The following GABRG1 variants were observed in gnomAD, a reference collection of about 807,000 sequenced individuals.
GABRG1 encodes gamma-aminobutyric acid receptor subunit gamma-1.
GABRG1 carries 49 observed loss-of-function variants against 49.8 expected under a neutral mutation model. The ratio of observed to expected loss-of-function variants is 0.98; its 90% CI spans 0.78 to 1.25. GABRG1 has a LOEUF of 1.25. GABRG1 is among the 50% of genes most tolerant of loss of function. The pLI is 0.00. For missense variants in GABRG1, 552 were observed against 552.3 expected (o/e 1.00, Z 0.01); for synonymous variants, 232 against 185.1 (o/e 1.25, Z -2.06).
intron 7 of GABRG1, 106 bp from the exon 8 acceptor site, chr4:46,051,744 A>T (rs887971799): frequency 8.1e-6 from 5 of 619,896 alleles, no homozygotes; most frequent in Non-Finnish European, 1.4e-5. Context: ...AGAAACAAAA[A>T]TATGATTACT....
intron 8 of GABRG1, among the ~76,000 whole-genome samples, chr4:46,042,940 C>CT (rs1324507792): frequency 1.3e-5 from 2 of 151,714 alleles, no homozygotes; most frequent in Non-Finnish European, 2.9e-5. Context: ...AATGACAGAT[C>CT]TTTTGAGGAT....
rs190382507 is a variant in GABRG1 at position 46,078,257 on chromosome 4, G to A, written c.321+5729C>T. ...TAATACCTTTTTCTTCCCCACCATTGGCATATGCAGGTCAGTTATCTAAAT... is the reference window on the plus strand; with the variant it reads ...TAATACCTTTTTCTTCCCCACCATTAGCATATGCAGGTCAGTTATCTAAAT... On this transcript the variant is annotated intron_variant, in intron 3 of 8. Coordinates refer to ENST00000295452, the MANE Select transcript of GABRG1 (RefSeq NM_173536.4). Among the ~76,000 whole-genome samples the A allele has an allele frequency of 3.2e-3, 483 of 151,796 alleles. 2 individuals are homozygous for A. Among genetic ancestry groups the A allele is most frequent in the African/African-American group, 0.011 (456 of 41,420 alleles).
At chr4:46,117,550 GTCTCTC>G (rs373546541) in intron 1 of GABRG1, among the ~76,000 whole-genome samples, 189 of 116,680 alleles carry the variant, frequency 1.6e-3, no homozygotes, top group African/African-American at 4.2e-3. Flanking sequence ...TGTTATCTCT[GTCTCTC>G]TCTCTCTCTC....
rs1015986657 is a variant in GABRG1 at position 46,114,260 on chromosome 4, A to G, written c.104+9550T>C. 7.3e-5 allele frequency among the ~76,000 whole-genome samples: 11 copies of G among 151,178 alleles called. No individual in the cohort carries two copies. The East Asian group carries it at 2.0e-3, about 27-fold the overall frequency. On this transcript the variant is annotated intron_variant, in intron 1 of 8. Coordinates refer to ENST00000295452, the MANE Select transcript of GABRG1 (RefSeq NM_173536.4). ...CAGCTGAAGCAAGCACTAAACCTCC[A>G]GAGTTTTAAAGAGGAGAATTGATAA...
At chr4:46,092,635 C>A (rs955224327) in intron 2 of GABRG1, among the ~76,000 whole-genome samples, 3 of 151,808 alleles carry the variant, frequency 2.0e-5, no homozygotes, top group African/African-American at 7.3e-5. Flanking sequence ...CTGCATTAAC[C>A]ACTCCATTTA....
intron 5 of GABRG1, among the ~76,000 whole-genome samples, chr4:46,063,778 T>C (rs1042818347): frequency 6.6e-6 from 1 of 152,008 alleles, no homozygotes; most frequent in Admixed American, 6.6e-5. Context: ...TGCAACCTAC[T>C]TATCTGACAA....
At chr4:46,057,821 C>T (rs1399925402) in intron 7 of GABRG1, among the ~76,000 whole-genome samples, 1 of 152,026 alleles carries the variant, frequency 6.6e-6, no homozygotes, top group Non-Finnish European at 1.5e-5. Flanking sequence ...GCCATCTGCA[C>T]ACCTCAGTAA....
At chr4:46,071,261 C>A (rs934550651) in intron 3 of GABRG1, among the ~76,000 whole-genome samples, 8 of 151,736 alleles carry the variant, frequency 5.3e-5, no homozygotes, top group African/African-American at 1.5e-4. Context: ...ACAATAATTT[C>A]TATCATTATT....
chr4:46,084,535 C>T (rs1471151909), intron 2 of GABRG1, among the ~76,000 whole-genome samples: 1 of 151,642 alleles, frequency 6.6e-6, no homozygotes, highest in Non-Finnish European at 1.5e-5. Flanking sequence ...CCTCAAGCTA[C>T]CAAACTTCAG....
chr4:46,057,097 A>G (rs1249519878), intron 7 of GABRG1, among the ~76,000 whole-genome samples: 1 of 152,170 alleles, frequency 6.6e-6, no homozygotes, highest in African/African-American at 2.4e-5. Context: ...GTTAAGTTAT[A>G]GTAGCATACA....
At chr4:46,057,113 A>C (rs1497572) in intron 7 of GABRG1, among the ~76,000 whole-genome samples, 76,731 of 151,832 alleles carry the variant, frequency 0.51, 19,978 homozygotes, top group African/African-American at 0.63. Flanking sequence ...ATACAAAGAA[A>C]CTCAAATAAT....
intron 1 of GABRG1, among the ~76,000 whole-genome samples, chr4:46,120,996 GCC>G (rs1721075791): frequency 6.6e-6 from 1 of 151,802 alleles, no homozygotes; most frequent in Non-Finnish European, 1.5e-5. Context: ...TTGTCAAGAT[GCC>G]AAAGAGTCTC....
intron 3 of GABRG1, among the ~76,000 whole-genome samples, chr4:46,067,752 C>T: frequency 6.6e-6 from 1 of 152,222 alleles, no homozygotes. Flanking sequence ...AAAGCACAGG[C>T]TGAGTCATAA....
At chr4:46,096,127 C>T (rs1048814043) in intron 2 of GABRG1, among the ~76,000 whole-genome samples, 2 of 151,002 alleles carry the variant, frequency 1.3e-5, no homozygotes. Flanking sequence ...TTGAAAGAGC[C>T]TAAAGACTAA....
At chr4:46,056,339 A>T in intron 7 of GABRG1, among the ~76,000 whole-genome samples, 1 of 151,952 alleles carries the variant, frequency 6.6e-6, no homozygotes, top group South Asian at 2.1e-4. Context: ...AAAGCATGGC[A>T]TAGCAGGAAG....
chr4:46,038,738 C>A lies in GABRG1; in HGVS notation c.*2250G>T, dbSNP rs1020973918. 1.3e-5 allele frequency: 2 copies of A among 151,516 alleles called. No individual in the cohort carries two copies. The highest frequency in any genetic ancestry group is 3.0e-5 in the Non-Finnish European group (2 of 67,626). 9.4% of individuals were successfully genotyped at this position (151,516 alleles called of 1,614,324 possible). On this transcript the variant is annotated 3_prime_UTR_variant, in exon 9 of 9. Transcript: ENST00000295452. ...ATTTGTACGCCATTCTTTCTGATCA[C>A]ACATTTAAATAAAACTGATCAAAAT...
chr4:46,083,450 C>A (rs1036698631), intron 3 of GABRG1, among the ~76,000 whole-genome samples: 1 of 151,712 alleles, frequency 6.6e-6, no homozygotes. Context: ...ACAATTTATA[C>A]ATAATACAAT....
chr4:46,080,328 G>T (rs901422645), intron 3 of GABRG1, among the ~76,000 whole-genome samples: 1 of 151,716 alleles, frequency 6.6e-6, no homozygotes, highest in Non-Finnish European at 1.5e-5. Context: ...AAGCAATTTT[G>T]CTCATTTTAT....
chr4:46,108,679 A>T (rs1044906235), intron 1 of GABRG1, among the ~76,000 whole-genome samples: 12 of 150,882 alleles, frequency 8.0e-5, no homozygotes, highest in African/African-American at 2.7e-4. Context: ...GATGGGCACT[A>T]AGTTAGCACT....
Sources: allele counts gnomAD v4.1 joint callset (sites outside exome capture counted in the v4.1 genomes callset), GRCh38; gene constraint gnomAD v4.1.1; transcripts MANE v1.5; gene names NCBI Gene and HGNC (gene_info 2026-07-23, HGNC 2026-07-21).